The following FGF14 variants were observed in gnomAD, a reference collection of about 807,000 sequenced individuals.
FGF14 encodes the protein fibroblast growth factor 14.
Under a neutral mutation model 25.5 loss-of-function variants are expected in FGF14, and 5 were observed. That is an observed-to-expected ratio of 0.20 (90% CI 0.10 to 0.41). The LOEUF (loss-of-function observed/expected upper bound fraction) is 0.41, where lower values mean the gene tolerates loss of function less well. FGF14 is among the 10% of genes least tolerant of loss of function. The pLI is 1.00. For synonymous variants in FGF14, 138 were observed against 118.3 expected, an observed-to-expected ratio of 1.17 and a Z score of -1.08; for missense variants, 222 against 320.1, an observed-to-expected ratio of 0.69 and a Z score of 2.34.
intron 1 of FGF14, among the ~76,000 whole-genome samples, chr13:101,974,015 T>C (rs150878008): frequency 2.0e-5 from 3 of 152,340 alleles, no homozygotes; most frequent in African/African-American, 4.8e-5. Flanking sequence ...ATATAATTCA[T>C]TGCAATCTTT....
chr13:101,886,253 G>T (rs966477563), intron 1 of FGF14, among the ~76,000 whole-genome samples: 4 of 152,094 alleles, frequency 2.6e-5, no homozygotes, highest in African/African-American at 9.7e-5. Context: ...TTGCTATGAA[G>T]AACAAGCTAG....
intron 1 of FGF14, among the ~76,000 whole-genome samples, chr13:102,007,533 A>T (rs1164488416): frequency 6.6e-6 from 1 of 152,222 alleles, no homozygotes; most frequent in East Asian, 1.9e-4. Context: ...GCATGAATCA[A>T]GACTGGCTAG....
intron 3 of FGF14, among the ~76,000 whole-genome samples, chr13:101,741,989 G>A (rs1442677838): frequency 6.6e-6 from 1 of 152,176 alleles, no homozygotes; most frequent in Non-Finnish European, 1.5e-5. Context: ...TAAATCAGGT[G>A]AGGGGTCAGG....
chr13:101,920,211 GT>G (rs1340443911), upstream of FGF14, among the ~76,000 whole-genome samples: 11 of 152,192 alleles, frequency 7.2e-5, no homozygotes, highest in Non-Finnish European at 1.3e-4. Context: ...GGTTACTGTA[GT>G]TCAGAAAATA....
At chr13:101,825,093 C>T (rs1224746460) in intron 3 of FGF14, among the ~76,000 whole-genome samples, 1 of 152,210 alleles carries the variant, frequency 6.6e-6, no homozygotes, top group Non-Finnish European at 1.5e-5. Flanking sequence ...ACTCTAGCAA[C>T]TGATGGAACC....
intron 3 of FGF14, among the ~76,000 whole-genome samples, chr13:101,817,840 C>T (rs1004113127): frequency 6.6e-6 from 1 of 152,112 alleles, no homozygotes; most frequent in East Asian, 1.9e-4. Context: ...AACATTTCTA[C>T]CCTTTTGTCT....
intron 1 of FGF14, among the ~76,000 whole-genome samples, chr13:102,374,260 C>A (rs1371133710): frequency 6.6e-6 from 1 of 151,916 alleles, no homozygotes; most frequent in East Asian, 1.9e-4. Context: ...ATTGAAGAGA[C>A]CTTAAAATAA....
intron 1 of FGF14, among the ~76,000 whole-genome samples, chr13:102,017,865 G>A (rs2040428002): frequency 6.6e-6 from 1 of 152,010 alleles, no homozygotes; most frequent in African/African-American, 2.4e-5. Context: ...CTTCTAGACT[G>A]TTCATTCTTT....
Position 101,748,205 on chromosome 13 carries a change from T to C in FGF14, c.409-21395A>G, listed in dbSNP as rs766297704. ...ACAACACTACTCAAAATAGCAAAGATAGGTAGTCAACCTAAGTGTCCATCA... is the reference window on the plus strand; with the variant it reads ...ACAACACTACTCAAAATAGCAAAGACAGGTAGTCAACCTAAGTGTCCATCA... On this transcript the variant is annotated intron_variant, in intron 3 of 4. Coordinates refer to ENST00000376143, the MANE Select transcript of FGF14 (RefSeq NM_004115.4). Among the ~76,000 whole-genome samples, 103 of 151,908 alleles carry C rather than the reference T, an allele frequency of 6.8e-4. 1 individual carries two copies. The highest frequency in any genetic ancestry group is 1.2e-3 in the Non-Finnish European group (82 of 67,932).
At chr13:101,877,548 C>T in intron 1 of FGF14, among the ~76,000 whole-genome samples, 1 of 152,234 alleles carries the variant, frequency 6.6e-6, no homozygotes, top group Middle Eastern at 3.4e-3. Flanking sequence ...CTGGACCCTG[C>T]CCACTTAACT....
intron 1 of FGF14, among the ~76,000 whole-genome samples, chr13:101,931,410 A>G (rs1298107627): frequency 6.6e-6 from 1 of 152,172 alleles, no homozygotes; most frequent in Non-Finnish European, 1.5e-5. Flanking sequence ...TCTTCAGAAT[A>G]CACATTTTGA....
At chr13:102,162,427 A>T (rs946351345) in intron 1 of FGF14, among the ~76,000 whole-genome samples, 1 of 152,194 alleles carries the variant, frequency 6.6e-6, no homozygotes, top group Admixed American at 6.5e-5. Context: ...ATTAATATAA[A>T]TGAACATCAC....
At chr13:102,065,542 G>T (rs367829747) in intron 1 of FGF14, among the ~76,000 whole-genome samples, 123 of 152,026 alleles carry the variant, frequency 8.1e-4, no homozygotes, top group African/African-American at 2.9e-3. Context: ...ATACAAAAAA[G>T]AGCAAAAAAT....
chr13:101,862,383 A>G (rs1207205142), intron 3 of FGF14, among the ~76,000 whole-genome samples: 1 of 151,758 alleles, frequency 6.6e-6, no homozygotes, highest in Non-Finnish European at 1.5e-5. Flanking sequence ...GGCTCTCAGT[A>G]TCTTTTTCAC....
chr13:102,201,079 C>G (rs1179184217), intron 1 of FGF14, among the ~76,000 whole-genome samples: 3 of 119,304 alleles, frequency 2.5e-5, no homozygotes, highest in Non-Finnish European at 4.8e-5. Context: ...CCAGCTTGGG[C>G]GACAGAGCGA....
At chr13:101,791,709 T>A (rs570248980) in intron 3 of FGF14, among the ~76,000 whole-genome samples, 20 of 152,194 alleles carry the variant, frequency 1.3e-4, no homozygotes, top group African/African-American at 4.6e-4. Flanking sequence ...TTCCACCCAT[T>A]ATTGTTAATT....
chr13:101,848,904 A>T (rs2043602295), intron 3 of FGF14, among the ~76,000 whole-genome samples: 1 of 152,060 alleles, frequency 6.6e-6, no homozygotes, highest in Admixed American at 6.6e-5. Context: ...AATCTTCTGA[A>T]TGTTAATAGT....
chr13:101,969,105 C>T (rs2037428639), intron 1 of FGF14, among the ~76,000 whole-genome samples: 1 of 152,172 alleles, frequency 6.6e-6, no homozygotes, highest in South Asian at 2.1e-4. Context: ...GGCTCCATGC[C>T]TTGGAGTCAT....
intron 1 of FGF14, among the ~76,000 whole-genome samples, chr13:102,357,364 G>A (rs1386077896): frequency 2.6e-5 from 4 of 152,180 alleles, no homozygotes; most frequent in African/African-American, 9.6e-5. Context: ...GTGTGCGAGG[G>A]CACTGACAAT....
Sources: gnomAD v4.1 joint callset for allele counts (sites outside exome capture counted in the v4.1 genomes callset) on GRCh38, gnomAD v4.1.1 for gene constraint, MANE v1.5 for transcripts, NCBI Gene and HGNC (gene_info 2026-07-23, HGNC 2026-07-21) for gene names.